The following TDP1 variants were observed in gnomAD, a reference collection of about 807,000 sequenced individuals.
TDP1 encodes tyr-DNA phosphodiesterase 1.
A neutral mutation model predicts 81.5 loss-of-function variants in TDP1; 64 were observed. The ratio of observed to expected loss-of-function variants is 0.79; its 90% CI spans 0.64 to 0.97. The LOEUF (loss-of-function observed/expected upper bound fraction) is 0.97, where lower values mean the gene tolerates loss of function less well. Ranked by LOEUF, TDP1 falls within the 50% of genes least tolerant of loss-of-function variation. The pLI is 0.00. For synonymous variants in TDP1, 256 were observed against 264.3 expected, an observed-to-expected ratio of 0.97 and a Z score of 0.30; for missense variants, 723 against 743.8, an observed-to-expected ratio of 0.97 and a Z score of 0.33.
intron 10 of TDP1, among the ~76,000 whole-genome samples, chr14:89,988,162 C>T (rs968282887): frequency 5.3e-5 from 8 of 152,190 alleles, no homozygotes; most frequent in Non-Finnish European, 1.2e-4. Flanking sequence ...AGCTTTCATG[C>T]CCTCTCTGGA....
At chr14:90,000,975 A>G (rs1314855636) in intron 14 of TDP1, among the ~76,000 whole-genome samples, 4 of 152,252 alleles carry the variant, frequency 2.6e-5, no homozygotes, top group Admixed American at 2.0e-4. Flanking sequence ...TAATAGTCCT[A>G]TAAAAGATTC....
At chr14:90,014,062 G>T (rs1013219832) in intron 14 of TDP1, among the ~76,000 whole-genome samples, 1 of 152,132 alleles carries the variant, frequency 6.6e-6, no homozygotes, top group African/African-American at 2.4e-5. Flanking sequence ...AATCAGAGAA[G>T]TCAAATATAA....
chr14:89,958,124 G>A (rs78063553), intron 2 of TDP1, among the ~76,000 whole-genome samples: 3,172 of 152,280 alleles, frequency 0.021, 102 homozygotes, highest in African/African-American at 0.073. Context: ...GCAGATTCTG[G>A]TGTCCAGACG....
intron 14 of TDP1, among the ~76,000 whole-genome samples, chr14:90,014,313 G>A (rs1275408221): frequency 1.3e-5 from 2 of 152,180 alleles, no homozygotes; most frequent in African/African-American, 4.8e-5. Context: ...CTTGTGAAAT[G>A]TCTTTTCAAT....
Position 89,967,382 on chromosome 14 carries a change from G to A in TDP1, c.619G>A (p.Asp207Asn), listed in dbSNP as rs543257445. The change falls in exon 5 of 17, where the codon GAC becomes AAC. Residue 207 changes from aspartate to asparagine, a missense_variant. Asp to Asn is a conservative substitution (Grantham distance 23). Transcript: ENST00000335725. ...VSSAQFNYCF[D>N]VDWLVKQYPP... is the part of the protein sequence containing the mutation. ...TCCCATCTAGTTTAACTACTGCTTT[G>A]ACGTGGACTGGCTCGTAAAACAGTA... is the stretch of plus-strand genomic sequence containing the variant. The A allele has an allele frequency of 1.4e-5, 22 of 1,613,952 alleles. 1 individual carries two copies. In the South Asian group the frequency reaches 2.3e-4, roughly 17 times the overall value.
In TDP1 at chr14:90,014,352, A is replaced by C. The variant is rs116904463; in HGVS notation, c.1542-4964A>C. 8.4e-3 allele frequency among the ~76,000 whole-genome samples: 1,284 copies of C among 152,348 alleles called. 10 individuals are homozygous for C. The highest frequency in any genetic ancestry group is 0.014 in the Non-Finnish European group (937 of 68,026). On this transcript the variant is annotated intron_variant, in intron 14 of 16. Transcript: ENST00000335725. The stretch of plus-strand genomic sequence containing the variant: ...TAAAACAGAGCCTAAGAGTAATACA[A>C]GAAAACCTACAGAGAATGCAAAATG...
chr14:89,970,356 C>T (rs946836540), intron 5 of TDP1, among the ~76,000 whole-genome samples: 14 of 152,150 alleles, frequency 9.2e-5, no homozygotes, highest in African/African-American at 3.4e-4. Context: ...ATTAGTGAAG[C>T]TGCGTCATGC....
rs780723266 is a variant in TDP1 at position 89,988,955 on chromosome 14, C to G, written c.1182C>G (p.Val394=). 6.2e-7 allele frequency: 1 copy of G among 1,614,158 alleles called. No individual in the cohort carries two copies. The highest frequency in any genetic ancestry group is 8.5e-7 in the Non-Finnish European group (1 of 1,180,026). ...SSMPNAESWP[V]VGQFSSVGSL... is the part of the protein sequence containing the mutation. Reference sequence around the variant, plus strand: ...TGCCTAACGCAGAGTCCTGGCCTGTCGTAGGTCAGTTTTCAAGCGTTGGCT... The same window carrying G: ...TGCCTAACGCAGAGTCCTGGCCTGTGGTAGGTCAGTTTTCAAGCGTTGGCT... The change falls in exon 11 of 17, where the codon GTC becomes GTG. Residue 394 remains valine, a synonymous_variant. Coordinates refer to ENST00000335725, the MANE Select transcript of TDP1 (RefSeq NM_018319.4).
chr14:89,998,208 ATCT>A (rs1445533060), intron 14 of TDP1, among the ~76,000 whole-genome samples: 1 of 151,788 alleles, frequency 6.6e-6, no homozygotes, highest in Non-Finnish European at 1.5e-5. Flanking sequence ...GCCCCATGTC[ATCT>A]TAGTTCAACT....
At chr14:89,993,245 C>A in intron 13 of TDP1, 131 bp from the exon 14 acceptor site, 1 of 1,290,126 alleles carries the variant, frequency 7.8e-7, no homozygotes, top group Non-Finnish European at 1.1e-6. Context: ...TAAAATCTCA[C>A]AGGTCACAGA....
At chr14:89,969,178 G>A (rs569558317) in intron 5 of TDP1, among the ~76,000 whole-genome samples, 1 of 152,284 alleles carries the variant, frequency 6.6e-6, no homozygotes, top group African/African-American at 2.4e-5. Context: ...TATTGCTGTT[G>A]TCTAAGCCTC....
intron 14 of TDP1, among the ~76,000 whole-genome samples, chr14:90,001,956 C>T (rs1897227428): frequency 6.6e-6 from 1 of 152,104 alleles, no homozygotes; most frequent in East Asian, 1.9e-4. Flanking sequence ...TTCAGGTGAG[C>T]AAGGTGCCTG....
In TDP1 at chr14:90,033,963, T is replaced by G. The variant is rs1463858253; in HGVS notation, c.1753+749T>G. Among the ~76,000 whole-genome samples, 125 of 152,014 alleles carry G rather than the reference T, an allele frequency of 8.2e-4. 1 individual carries two copies. Among genetic ancestry groups the G allele is most frequent in the Non-Finnish European group, 1.6e-4 (11 of 67,996 alleles). On this transcript the variant is annotated intron_variant, in intron 16 of 16. Coordinates refer to ENST00000335725, the MANE Select transcript of TDP1 (RefSeq NM_018319.4). ...ATGCCTGTAGTTCCAACTATTTGGATGGCTGAGGTAGAAGAATCGCTTGAG... is the reference window on the plus strand; with the variant it reads ...ATGCCTGTAGTTCCAACTATTTGGAGGGCTGAGGTAGAAGAATCGCTTGAG...
chr14:89,990,191 A>T (rs1308524169), intron 12 of TDP1, among the ~76,000 whole-genome samples: 2 of 152,168 alleles, frequency 1.3e-5, no homozygotes, highest in Non-Finnish European at 2.9e-5. Context: ...CGGAATTTTT[A>T]AAATTTTGCC....
rs1385792819 is a variant in TDP1, at chr14:89,963,135, T to C, written c.21T>C (p.Tyr7=). Residue 7 remains tyrosine (Y), a synonymous_variant, in exon 3 of 17, where the codon TAT becomes TAC. Transcript: ENST00000335725. The stretch of plus-strand genomic sequence containing the variant: ...GTATAATGTCTCAGGAAGGCGATTA[T>C]GGGAGGTGGACCATATCTAGTAGTG... MSQEGD[Y]GRWTISSSDE... is the part of the protein sequence containing the mutation. 2 of 1,613,980 alleles carry C rather than the reference T, an allele frequency of 1.2e-6. No individual in the cohort carries two copies. Among genetic ancestry groups the C allele is most frequent in the African/African-American group, 2.7e-5 (2 of 74,890 alleles).
At chr14:90,023,305 T>C (rs1886301707) in intron 15 of TDP1, among the ~76,000 whole-genome samples, 1 of 152,082 alleles carries the variant, frequency 6.6e-6, no homozygotes, top group South Asian at 2.1e-4. Flanking sequence ...ACAGAGATAA[T>C]AGTGCAGGCT....
intron 3 of TDP1, chr14:89,965,901 G>A (rs1264189147): frequency 3.1e-6 from 3 of 979,658 alleles, no homozygotes; most frequent in East Asian, 2.3e-4. Flanking sequence ...CAATCATTCA[G>A]TACTGAAGTT....
intron 14 of TDP1, among the ~76,000 whole-genome samples, chr14:90,001,906 T>G (rs895704068): frequency 1.3e-5 from 2 of 152,160 alleles, no homozygotes; most frequent in African/African-American, 4.8e-5. Context: ...TCGACCTGGT[T>G]GCTTCTTTAT....
chr14:90,029,788 T>G (rs1813107966), intron 15 of TDP1, among the ~76,000 whole-genome samples: 1 of 152,180 alleles, frequency 6.6e-6, no homozygotes, highest in African/African-American at 2.4e-5. Flanking sequence ...TGTGAGCCAT[T>G]GTGCCCGGCC....
Sources: allele counts gnomAD v4.1 joint callset (sites outside exome capture counted in the v4.1 genomes callset), GRCh38; gene constraint gnomAD v4.1.1; transcripts MANE v1.5; gene names NCBI Gene and HGNC (gene_info 2026-07-23, HGNC 2026-07-21).